LUZP2: variants seen among roughly 807,000 people sequenced by gnomAD.
LUZP2 encodes the protein leucine zipper protein 2.
In LUZP2, 52 loss-of-function variants were observed where a neutral mutation model predicts 51.6. That is an observed-to-expected ratio of 1.01 (90% confidence interval 0.81 to 1.27). The LOEUF is 1.27. LUZP2 is among the 50% of genes most tolerant of loss of function. The pLI, the probability that LUZP2 is intolerant of heterozygous loss-of-function variation, is 0.00. For synonymous variants in LUZP2, 154 were observed against 137.3 expected (o/e 1.12, Z -0.85); for missense variants, 436 against 395.4 (o/e 1.10, Z -0.87).
chr11:24,537,711 TAAAG>T, intron 1 of LUZP2, among the ~76,000 whole-genome samples: 1 of 152,038 alleles, frequency 6.6e-6, no homozygotes, highest in African/African-American at 2.4e-5. Context: ...TCTGTGAAAC[TAAAG>T]TGAAAAGCCT....
At chr11:24,657,754 A>T (rs950346128) in intron 1 of LUZP2, among the ~76,000 whole-genome samples, 12 of 152,212 alleles carry the variant, frequency 7.9e-5, no homozygotes, top group African/African-American at 2.4e-4. Context: ...ATCAATGTAC[A>T]AAAATCACAA....
At chr11:24,923,483 G>A (rs191115703) in intron 7 of LUZP2, among the ~76,000 whole-genome samples, 47 of 152,038 alleles carry the variant, frequency 3.1e-4, no homozygotes, top group Admixed American at 1.1e-3. Flanking sequence ...TATCACCTGA[G>A]GTCAGGAGAT....
At chr11:25,054,410 T>A (rs913550426) in intron 10 of LUZP2, among the ~76,000 whole-genome samples, 5 of 152,072 alleles carry the variant, frequency 3.3e-5, no homozygotes, top group Non-Finnish European at 5.9e-5. Flanking sequence ...AGCACACTGA[T>A]TTTTTTTCTT....
chr11:24,698,427 A>G (rs1857316123), intron 1 of LUZP2, among the ~76,000 whole-genome samples: 1 of 152,140 alleles, frequency 6.6e-6, no homozygotes, highest in Non-Finnish European at 1.5e-5. Context: ...AGCCATTGAT[A>G]TTATTGTGCT....
At chr11:24,897,210 C>A (rs77952328) in intron 5 of LUZP2, among the ~76,000 whole-genome samples, 6,783 of 152,184 alleles carry the variant, frequency 0.045, 484 homozygotes, top group African/African-American at 0.15. Flanking sequence ...GACCAATCAG[C>A]ACTCCGTAAA....
chr11:24,823,869 C>A (rs796757831), intron 5 of LUZP2, among the ~76,000 whole-genome samples: 6 of 152,032 alleles, frequency 3.9e-5, no homozygotes, highest in African/African-American at 1.2e-4. Context: ...CGAGACCATC[C>A]TGGCTAACAT....
intron 9 of LUZP2, among the ~76,000 whole-genome samples, chr11:25,014,018 C>CGAAAA (rs1448837890): frequency 3.9e-5 from 6 of 151,902 alleles, no homozygotes; most frequent in Non-Finnish European, 5.9e-5. Flanking sequence ...TTTGTCCCTG[C>CGAAAA]GATAGTTTGC....
At chr11:24,839,485 A>G (rs1449996328) in intron 5 of LUZP2, among the ~76,000 whole-genome samples, 4 of 151,778 alleles carry the variant, frequency 2.6e-5, no homozygotes, top group Non-Finnish European at 5.9e-5. Flanking sequence ...TTTATCACAT[A>G]TTAATATTCA....
At chr11:24,767,534 T>C in intron 5 of LUZP2, among the ~76,000 whole-genome samples, 1 of 152,234 alleles carries the variant, frequency 6.6e-6, no homozygotes, top group South Asian at 2.1e-4. Flanking sequence ...AGTTATAAAA[T>C]TACAAGTTTG....
At chr11:24,948,667 G>A (rs1268242032) in intron 7 of LUZP2, among the ~76,000 whole-genome samples, 2 of 151,688 alleles carry the variant, frequency 1.3e-5, no homozygotes, top group African/African-American at 4.8e-5. Flanking sequence ...TAACTCATGG[G>A]TTTTTAGAAC....
chr11:24,964,394 G>A (rs377132866), intron 7 of LUZP2, among the ~76,000 whole-genome samples: 1 of 152,128 alleles, frequency 6.6e-6, no homozygotes, highest in Non-Finnish European at 1.5e-5. Flanking sequence ...CATAAATATA[G>A]TAATATAGAA....
intron 9 of LUZP2, among the ~76,000 whole-genome samples, chr11:25,028,428 TGTG>T (rs1168728836): frequency 6.6e-6 from 1 of 151,976 alleles, no homozygotes; most frequent in Non-Finnish European, 1.5e-5. Flanking sequence ...ATGAAGAAAA[TGTG>T]GTGTATATAA....
At chr11:24,980,364 G>T (rs1298048974) in intron 8 of LUZP2, among the ~76,000 whole-genome samples, 1 of 151,560 alleles carries the variant, frequency 6.6e-6, no homozygotes, top group Non-Finnish European at 1.5e-5. Context: ...TCACATATGA[G>T]AAATACTTTC....
intron 4 of LUZP2, among the ~76,000 whole-genome samples, chr11:24,745,782 A>G (rs1231435899): frequency 6.6e-6 from 1 of 152,060 alleles, no homozygotes; most frequent in East Asian, 1.9e-4. Context: ...GGTTCAAGCG[A>G]TTTTCCTATC....
At chr11:24,736,970 G>A (rs1319736720) in intron 3 of LUZP2, among the ~76,000 whole-genome samples, 2 of 151,986 alleles carry the variant, frequency 1.3e-5, no homozygotes, top group Non-Finnish European at 2.9e-5. Context: ...AAAACAGACA[G>A]ACTTTCTTTC....
intron 5 of LUZP2, among the ~76,000 whole-genome samples, chr11:24,797,237 T>G (rs1298295186): frequency 6.6e-6 from 1 of 152,134 alleles, no homozygotes; most frequent in Non-Finnish European, 1.5e-5. Context: ...TTCTGAATAG[T>G]CAAACACATG....
intron 10 of LUZP2, among the ~76,000 whole-genome samples, chr11:25,071,810 A>T (rs1159418206): frequency 6.7e-6 from 1 of 148,862 alleles, no homozygotes. Context: ...CTAAAACTTA[A>T]AGTATAGTAA....
At chr11:24,928,773 A>T (rs573173208) in intron 7 of LUZP2, among the ~76,000 whole-genome samples, 1 of 152,116 alleles carries the variant, frequency 6.6e-6, no homozygotes, top group South Asian at 2.1e-4. Flanking sequence ...CCTCTTTCTT[A>T]ACATTTTGGA....
intron 1 of LUZP2, among the ~76,000 whole-genome samples, chr11:24,617,898 T>C (rs1854344058): frequency 6.6e-6 from 1 of 152,010 alleles, no homozygotes; most frequent in African/African-American, 2.4e-5. Flanking sequence ...CCTGGATATT[T>C]GGGGTATTAT....
Sources: allele counts gnomAD v4.1 joint callset (sites outside exome capture counted in the v4.1 genomes callset), GRCh38; gene constraint gnomAD v4.1.1; transcripts MANE v1.5; gene names NCBI Gene and HGNC (gene_info 2026-07-23, HGNC 2026-07-21).